The following XRN1 variants were observed in gnomAD, a reference collection of about 807,000 sequenced individuals.
The protein encoded by XRN1 is strand-exchange protein 1 homolog.
In XRN1, 67 loss-of-function variants were observed where a neutral mutation model predicts 222.3. That is an observed-to-expected ratio of 0.30 (90% confidence interval 0.25 to 0.37). XRN1 has a LOEUF of 0.37. Among genes scored for constraint, XRN1 ranks in the 10% least tolerant of loss-of-function variants. XRN1 has a pLI of 1.00. For missense variants in XRN1, 1,707 were observed against 2,000.2 expected (o/e 0.85, Z 2.80); for synonymous variants, 643 against 652.4 (o/e 0.99, Z 0.22).
At chr3:142,335,276 C>G (rs2065821354) in intron 34 of XRN1, among the ~76,000 whole-genome samples, 172 bp downstream of exon 34, 1 of 152,110 alleles carries the variant, frequency 6.6e-6, no homozygotes, top group Admixed American at 6.6e-5. Context: ...AAATCCAGGA[C>G]TTTAGGTGTA....
intron 33 of XRN1, among the ~76,000 whole-genome samples, chr3:142,345,749 A>G (rs992761165): frequency 3.3e-5 from 5 of 152,248 alleles, no homozygotes; most frequent in African/African-American, 1.2e-4. Context: ...AAGGATTTGA[A>G]CTGACATTTC....
At chr3:142,417,341 G>C (rs2068827225) in intron 12 of XRN1, 112 bp from the exon 13 acceptor site, 1 of 821,940 alleles carries the variant, frequency 1.2e-6, no homozygotes, top group East Asian at 2.7e-5. Context: ...TTTAATCAAT[G>C]AATTAGCTAT....
chr3:142,335,729 G>GATTCTAA (rs1163097023), intron 33 of XRN1, among the ~76,000 whole-genome samples: 1 of 152,154 alleles, frequency 6.6e-6, no homozygotes, highest in East Asian at 1.9e-4. Flanking sequence ...GGCCTCGAAG[G>GATTCTAA]AGGTAGGTTC....
In XRN1 at chr3:142,357,143, G is replaced by T. The variant is rs74336660; in HGVS notation, c.3465-24C>A. 1,501 of 1,577,056 alleles carry T rather than the reference G, an allele frequency of 9.5e-4. 16 individuals are homozygous for T. The African/African-American group carries it at 0.018, about 19-fold the overall frequency. On this transcript the variant is annotated intron_variant, in intron 30 of 40. Coordinates refer to ENST00000392981, the MANE Select transcript of XRN1 (RefSeq NM_001282857.2). Reference sequence around the variant, plus strand: ...ATCTAAAAGTAAAAGTTATATCAGGGTTGGAAGGAAAACAATACTAAATGT... The same window carrying T: ...ATCTAAAAGTAAAAGTTATATCAGGTTTGGAAGGAAAACAATACTAAATGT...
At chr3:142,403,557 T>C (rs2068226140) in intron 18 of XRN1, 117 bp downstream of exon 18, 7 of 873,320 alleles carry the variant, frequency 8.0e-6, no homozygotes, top group Non-Finnish European at 1.3e-5. Flanking sequence ...TTCATCCTTA[T>C]TTAGGCTCCA....
At chr3:142,323,627 T>G (rs2065426659) in intron 37 of XRN1, among the ~76,000 whole-genome samples, 1 of 152,218 alleles carries the variant, frequency 6.6e-6, no homozygotes, top group East Asian at 1.9e-4. Context: ...TTGACAGTAT[T>G]AAGCAGACAG....
chr3:142,403,205 C>T (rs1329430397), intron 18 of XRN1, among the ~76,000 whole-genome samples: 1 of 152,080 alleles, frequency 6.6e-6, no homozygotes, highest in Admixed American at 6.5e-5. Flanking sequence ...TTATTTATTC[C>T]TTCTCCTCAA....
At position 142,347,251 on chromosome 3, in the gene XRN1, T is replaced by C; in HGVS notation, c.3860A>G (p.His1287Arg). 6.2e-7 allele frequency: 1 copy of C among 1,604,886 alleles called. No homozygotes were observed. The highest frequency in any genetic ancestry group is 8.5e-7 in the Non-Finnish European group (1 of 1,175,286). Reference protein sequence around the residue: ...DNSVKYQQRKHDPHRKFKEEC... With the variant: ...DNSVKYQQRKRDPHRKFKEEC... ...AAACTTACATTTTCTGTGAGGGTCA[T>C]GTTTTCTTTGCTGATATTTAACACT... is the stretch of plus-strand genomic sequence containing the variant. The change falls in exon 33 of 41, where the codon CAT becomes CGT. Residue 1287 changes from histidine (H) to arginine (R), a missense_variant. This residue lies in a region of XRN1 where 473 missense variants were observed against 482.0 expected (regional missense o/e 0.98). Coordinates refer to ENST00000392981, the MANE Select transcript of XRN1 (RefSeq NM_001282857.2).
At chr3:142,394,275 A>C (rs931133117) in intron 20 of XRN1, among the ~76,000 whole-genome samples, 1 of 152,160 alleles carries the variant, frequency 6.6e-6, no homozygotes, top group African/African-American at 2.4e-5. Context: ...ATGTGGCAAA[A>C]TCCAGTGCTG....
intron 24 of XRN1, 89 bp from the exon 25 acceptor site, chr3:142,376,033 G>T: frequency 7.0e-7 from 1 of 1,422,750 alleles, no homozygotes; most frequent in South Asian, 1.7e-5. Context: ...GGAACAAAAA[G>T]TTTTGCTTTC....
chr3:142,438,914 C>T (rs1230331630), intron 1 of XRN1, among the ~76,000 whole-genome samples: 1 of 151,906 alleles, frequency 6.6e-6, no homozygotes, highest in Non-Finnish European at 1.5e-5. Context: ...CAGTGTCCCC[C>T]CGACTCCTTC....
intron 2 of XRN1, among the ~76,000 whole-genome samples, chr3:142,429,234 G>A (rs761077238): frequency 3.6e-5 from 5 of 137,578 alleles, no homozygotes; most frequent in South Asian, 2.3e-4. Flanking sequence ...TGCATCCTCC[G>A]CCTCCTGGGT....
At chr3:142,382,022 T>C (rs2067321569) in intron 22 of XRN1, among the ~76,000 whole-genome samples, 1 of 152,240 alleles carries the variant, frequency 6.6e-6, no homozygotes, top group African/African-American at 2.4e-5. Context: ...GAATACTGCA[T>C]AGGTGATGTG....
chr3:142,406,224 G>A (rs1352880470), intron 15 of XRN1, among the ~76,000 whole-genome samples: 1 of 152,120 alleles, frequency 6.6e-6, no homozygotes, highest in Non-Finnish European at 1.5e-5. Context: ...TCTGATTTTT[G>A]ACAAGGTTGC....
chr3:142,331,704 C>T (rs372650823), intron 36 of XRN1, among the ~76,000 whole-genome samples: 2 of 152,312 alleles, frequency 1.3e-5, no homozygotes, highest in East Asian at 3.9e-4. Context: ...TTATCTATAA[C>T]ACTACAATTA....
rs1189094312 is a variant in XRN1 at position 142,312,778 on chromosome 3, A to G, written c.4622-20T>C. On this transcript the variant is annotated intron_variant, in intron 39 of 40. Coordinates refer to ENST00000392981, the MANE Select transcript of XRN1 (RefSeq NM_001282857.2). Reference sequence around the variant, plus strand: ...TATTAGCTGTTAAAAACCAAGGAAAATTTTTCTTTTAGTAAAATGGTATCA... The same window carrying G: ...TATTAGCTGTTAAAAACCAAGGAAAGTTTTTCTTTTAGTAAAATGGTATCA... The G allele has an allele frequency of 5.7e-6, 9 of 1,570,196 alleles. No individual in the cohort carries two copies. The highest frequency in any genetic ancestry group is 6.9e-6 in the Non-Finnish European group (8 of 1,156,568).
At chr3:142,407,598 GGAT>G (rs1384239707) in intron 15 of XRN1, 1 of 152,258 alleles carries the variant, frequency 6.6e-6, no homozygotes, top group East Asian at 1.9e-4. Flanking sequence ...CAAAGTGCTG[GGAT>G]TACAGGCATG....
rs181728382 is a variant in XRN1, at chr3:142,397,722, A to G, written c.2208-262T>C. On this transcript the variant is annotated intron_variant, in intron 19 of 40. Coordinates refer to ENST00000392981, the MANE Select transcript of XRN1 (RefSeq NM_001282857.2). Reference sequence around the variant, plus strand: ...GGAAGAAGAAGATAAGTTGGTTAATACAAAGTTAGATAGAAGGAATAAGTT... The same window carrying G: ...GGAAGAAGAAGATAAGTTGGTTAATGCAAAGTTAGATAGAAGGAATAAGTT... 6.6e-5 allele frequency among the ~76,000 whole-genome samples: 10 copies of G among 152,348 alleles called. No homozygotes were observed. The East Asian group carries it at 1.7e-3, about 26-fold the overall frequency.
At position 142,383,325 on chromosome 3, in the gene XRN1, G is replaced by C. The variant is rs2107940339; in HGVS notation, c.2591C>G (p.Thr864Ser). 14 of 1,613,586 alleles carry C rather than the reference G, an allele frequency of 8.7e-6. No homozygotes were observed. Among genetic ancestry groups the C allele is most frequent in the Non-Finnish European group, 1.1e-5 (13 of 1,179,766 alleles). ...PLRSMVFMLG[T>S]PYYGCTGEVQ... ...TTCTCCAGTGCAGCCATAATAGGGA[G>C]TTCCCAGCATAAAGACCATACTTCT... The change falls in exon 22 of 41, where the codon ACT becomes AGT. Residue 864 changes from threonine to serine, a missense_variant. Physicochemically the swap from Thr to Ser is moderately conservative, Grantham distance 58 (BLOSUM62 1). Around this residue, in one of 2 missense-constraint regions of XRN1, gnomAD observed 1,234 missense variants for 1,518.2 expected, o/e 0.81. Coordinates refer to ENST00000392981, the MANE Select transcript of XRN1 (RefSeq NM_001282857.2).
Sources: gnomAD v4.1 joint callset for allele counts (sites outside exome capture counted in the v4.1 genomes callset) on GRCh38, gnomAD v4.1.1 for gene constraint, gnomAD v4.1.1 regional missense constraint, MANE v1.5 for transcripts, NCBI Gene and HGNC (gene_info 2026-07-23, HGNC 2026-07-21) for gene names.